Variants in XKR9 observed in about 807,000 individuals in gnomAD.
XKR9 encodes XK-related protein 9.
A neutral mutation model predicts 32.0 loss-of-function variants in XKR9; 32 were observed. The observed-to-expected ratio is 1.00, with a 90% CI of 0.76 to 1.34. The LOEUF (loss-of-function observed/expected upper bound fraction) is 1.34. Among genes scored for constraint, XKR9 ranks in the 40% most tolerant of loss-of-function variants. The pLI is 0.00. For synonymous variants in XKR9, 168 were observed against 143.4 expected (o/e 1.17, Z -1.22); for missense variants, 546 against 429.7 (o/e 1.27, Z -2.39).
chr8:70,862,665 T>C, the XKR9 span, among the ~76,000 whole-genome samples: 1 of 151,704 alleles, frequency 6.6e-6, no homozygotes. Context: ...CTATATCTAA[T>C]AAATGCTATC....
chr8:70,764,210 C>T lies in XKR9; in HGVS notation n.353-25129C>T, dbSNP rs558362313. On this transcript the variant is annotated intron_variant and non_coding_transcript_variant, in intron 2 of 3. Coordinates refer to the XKR9 transcript ENST00000520273. ...GATAATAATGACAATTAGGCCTTTT[C>T]TGCTCGACTTTCCTTCTCTGCCCTC... 1.5e-4 allele frequency among the ~76,000 whole-genome samples: 23 copies of T among 152,330 alleles called. No individual in the cohort carries two copies. In the South Asian group the frequency reaches 4.6e-3, roughly 30 times the overall value.
the XKR9 span, among the ~76,000 whole-genome samples, chr8:71,013,359 C>T: frequency 2.0e-5 from 3 of 152,140 alleles, no homozygotes; most frequent in East Asian, 3.9e-4. Flanking sequence ...CCTTAACTTC[C>T]CAGGTTGCCT....
intron 2 of XKR9, among the ~76,000 whole-genome samples, chr8:70,746,348 G>T (rs1807058765): frequency 6.9e-6 from 1 of 145,484 alleles, no homozygotes; most frequent in African/African-American, 2.5e-5. Flanking sequence ...AAAGAATATA[G>T]AATATAAAGA....
At chr8:71,010,144 G>A in the XKR9 span, among the ~76,000 whole-genome samples, 2 of 152,142 alleles carry the variant, frequency 1.3e-5, no homozygotes, top group Non-Finnish European at 2.9e-5. Context: ...AGGATTGTAA[G>A]GATTGTAGAA....
chr8:70,789,711 A>T (rs978406413), intron 3 of XKR9, among the ~76,000 whole-genome samples: 3 of 145,550 alleles, frequency 2.1e-5, no homozygotes, highest in Non-Finnish European at 4.6e-5. Context: ...TTCATGACCT[A>T]TAGTTTTTTT....
In XKR9 at chr8:70,681,159, A is replaced by G; in HGVS notation, c.101A>G (p.His34Arg). Residue 34 changes from histidine to arginine, a missense_variant, in exon 3 of 5, where the codon CAT becomes CGT. Coordinates refer to ENST00000408926, the MANE Select transcript of XKR9 (RefSeq NM_001011720.2). The part of the protein sequence containing the change: ...VDIWVSVRFF[H>R]EGQYVFSALA... ...ATATGGGTATCTGTCAGATTTTTCC[A>G]TGAAGGACAGTATGTTTTTAGTGCT... 6.2e-7 allele frequency: 1 copy of G among 1,613,590 alleles called. No homozygotes were observed. Among genetic ancestry groups the G allele is most frequent in the Non-Finnish European group, 8.5e-7 (1 of 1,179,628 alleles).
At chr8:70,857,304 C>T in the XKR9 span, among the ~76,000 whole-genome samples, 1 of 152,258 alleles carries the variant, frequency 6.6e-6, no homozygotes, top group East Asian at 1.9e-4. Context: ...CACCACTGAT[C>T]CCACAGAAAT....
the XKR9 span, among the ~76,000 whole-genome samples, chr8:70,829,512 G>A: frequency 9.2e-5 from 14 of 152,258 alleles, no homozygotes; most frequent in South Asian, 2.9e-3. Context: ...GCAGTGGTGC[G>A]ATCTTGGCTC....
intron 3 of XKR9, 149 bp downstream of exon 3, chr8:70,681,479 T>A: frequency 1.1e-6 from 1 of 923,966 alleles, no homozygotes; most frequent in Non-Finnish European, 1.6e-6. Flanking sequence ...TGTGCTAATA[T>A]AAGTCATTGC....
intron 2 of XKR9, among the ~76,000 whole-genome samples, chr8:70,766,148 A>T (rs1460990983): frequency 6.6e-6 from 1 of 150,794 alleles, no homozygotes; most frequent in Non-Finnish European, 1.5e-5. Flanking sequence ...GAAGAAATTC[A>T]GTGGTAGCTT....
At chr8:70,767,646 G>A (rs947727582) in intron 2 of XKR9, among the ~76,000 whole-genome samples, 15 of 151,620 alleles carry the variant, frequency 9.9e-5, no homozygotes, top group African/African-American at 3.4e-4. Context: ...ACAGGTGCCC[G>A]CCACCATGAC....
the XKR9 span, among the ~76,000 whole-genome samples, chr8:70,948,817 G>A: frequency 1.3e-5 from 2 of 152,166 alleles, no homozygotes; most frequent in African/African-American, 2.4e-5. Flanking sequence ...TTGTCCATTA[G>A]TGGAATAAAA....
intron 4 of XKR9, among the ~76,000 whole-genome samples, chr8:70,719,258 T>G (rs1335839733): frequency 6.6e-6 from 1 of 152,216 alleles, no homozygotes; most frequent in Non-Finnish European, 1.5e-5. Context: ...GTAGGTTGCC[T>G]GTTCACGCTG....
the XKR9 span, among the ~76,000 whole-genome samples, chr8:70,854,940 T>C: frequency 6.6e-6 from 1 of 152,188 alleles, no homozygotes; most frequent in East Asian, 1.9e-4. Flanking sequence ...TAGTATAGTT[T>C]GAAGTCATGT....
the XKR9 span, among the ~76,000 whole-genome samples, chr8:70,913,778 A>G: frequency 6.6e-6 from 1 of 152,124 alleles, no homozygotes; most frequent in Non-Finnish European, 1.5e-5. Context: ...TCCTTCCCAA[A>G]GGTAGCTACC....
At chr8:71,007,867 T>C in the XKR9 span, among the ~76,000 whole-genome samples, 1 of 152,182 alleles carries the variant, frequency 6.6e-6, no homozygotes, top group Non-Finnish European at 1.5e-5. Context: ...AGGGCATTTT[T>C]CATGTGCCCC....
chr8:70,943,052 G>A, the XKR9 span, among the ~76,000 whole-genome samples: 9 of 138,074 alleles, frequency 6.5e-5, no homozygotes, highest in African/African-American at 1.5e-4. Flanking sequence ...TATGAAAATT[G>A]TATTTTTATT....
the XKR9 span, among the ~76,000 whole-genome samples, chr8:70,995,490 T>C: frequency 6.6e-6 from 1 of 152,150 alleles, no homozygotes; most frequent in East Asian, 1.9e-4. Context: ...CATTCTAATC[T>C]TCTTAAAACC....
intron 4 of XKR9, among the ~76,000 whole-genome samples, chr8:70,729,709 TATA>T (rs927596088): frequency 9.2e-5 from 14 of 152,170 alleles, no homozygotes; most frequent in African/African-American, 3.1e-4. Context: ...TTAACATAAT[TATA>T]ATTATTAATG....
Sources: gnomAD v4.1 joint callset for allele counts (sites outside exome capture counted in the v4.1 genomes callset) on GRCh38, gnomAD v4.1.1 for gene constraint, MANE v1.5 for transcripts, NCBI Gene and HGNC (gene_info 2026-07-23, HGNC 2026-07-21) for gene names.